SLC38A4: variants seen among roughly 807,000 people sequenced by gnomAD.
The protein encoded by SLC38A4 is sodium-coupled neutral amino acid transporter 4.
A neutral mutation model predicts 63.1 loss-of-function variants in SLC38A4; 20 were observed. The ratio of observed to expected loss-of-function variants is 0.32; its 90% CI spans 0.22 to 0.46. The LOEUF (loss-of-function observed/expected upper bound fraction) is 0.46, where lower values mean the gene tolerates loss of function less well. Among genes scored for constraint, SLC38A4 ranks in the 20% least tolerant of loss-of-function variants. The pLI, the probability that SLC38A4 is intolerant of heterozygous loss-of-function variation, is 1.00. For missense variants in SLC38A4, 526 were observed against 663.6 expected, an observed-to-expected ratio of 0.79 and a Z score of 2.28; for synonymous variants, 230 against 225.5, an observed-to-expected ratio of 1.02 and a Z score of -0.18.
intron 1 of SLC38A4, among the ~76,000 whole-genome samples, chr12:46,817,625 C>G (rs1939466763): frequency 1.3e-5 from 2 of 151,838 alleles, no homozygotes; most frequent in African/African-American, 2.4e-5. Context: ...CCCCAGGAGC[C>G]TCTTATGTCT....
At chr12:46,789,502 G>A (rs1018862296) in intron 3 of SLC38A4, among the ~76,000 whole-genome samples, 4 of 152,110 alleles carry the variant, frequency 2.6e-5, no homozygotes, top group Admixed American at 1.3e-4. Context: ...CTTGGTTATA[G>A]AGCTGTGCTG....
chr12:46,773,662 A>G (rs183496852), intron 14 of SLC38A4, among the ~76,000 whole-genome samples: 2 of 152,190 alleles, frequency 1.3e-5, no homozygotes, highest in East Asian at 3.9e-4. Context: ...TCATCAGTAA[A>G]TGACTTTTAC....
chr12:46,808,898 C>T (rs910704894), intron 1 of SLC38A4, among the ~76,000 whole-genome samples: 2 of 151,972 alleles, frequency 1.3e-5, no homozygotes, highest in Admixed American at 1.3e-4. Flanking sequence ...ACCTTGTTAA[C>T]GTAAGTTCTT....
chr12:46,783,226 A>ATGAT (rs1320938609), intron 7 of SLC38A4, among the ~76,000 whole-genome samples: 24 of 130,896 alleles, frequency 1.8e-4, no homozygotes, highest in African/African-American at 6.9e-4. Context: ...AAATTGATAG[A>ATGAT]TGATAGATAG....
rs140024216 is a variant in SLC38A4, at chr12:46,815,548, T to A, written c.-305+10355A>T. On this transcript the variant is annotated intron_variant, in intron 1 of 16. Transcript: ENST00000266579. ...CCTTAGAATATGGCCTGGGATAGAG[T>A]AAGAGCTAAATAAATATTAGTTGCT... 2.2e-4 allele frequency among the ~76,000 whole-genome samples: 33 copies of A among 151,754 alleles called. No individual in the cohort carries two copies. In the East Asian group the frequency reaches 6.2e-3, roughly 29 times the overall value.
At chr12:46,773,460 T>C (rs1938461395) in intron 14 of SLC38A4, among the ~76,000 whole-genome samples, 1 of 152,036 alleles carries the variant, frequency 6.6e-6, no homozygotes, top group Admixed American at 6.6e-5. Context: ...TGAGTGGAAA[T>C]ACATAATGAA....
At chr12:46,796,492 A>C (rs191948870) in intron 2 of SLC38A4, among the ~76,000 whole-genome samples, 2 of 152,226 alleles carry the variant, frequency 1.3e-5, no homozygotes, top group African/African-American at 2.4e-5. Context: ...TAGCTTGGAC[A>C]GCTGGTACTC....
At position 46,778,153 on chromosome 12, in the gene SLC38A4, A is replaced by C. The variant is rs1020345707; in HGVS notation, c.1073+136T>G. ...TGATTCCCACCTTTCTGATTAAAGC[A>C]TGTTACTGAGGAGTGGATGGAGTAC... is the stretch of plus-strand genomic sequence containing the variant. On this transcript the variant is annotated intron_variant, in intron 12 of 16. Coordinates refer to ENST00000266579, the MANE Select transcript of SLC38A4 (RefSeq NM_018018.5). 8.0e-6 allele frequency: 6 copies of C among 748,456 alleles called. No homozygotes were observed. The African/African-American group carries it at 1.1e-4, about 13-fold the overall frequency. The allele number at this position is 748,456 out of a possible 1,614,324, so 46.4% of individuals were successfully genotyped here.
intron 5 of SLC38A4, among the ~76,000 whole-genome samples, chr12:46,785,544 T>C (rs963956527): frequency 2.6e-5 from 4 of 151,990 alleles, no homozygotes; most frequent in African/African-American, 7.2e-5. Context: ...ACACTTAGAA[T>C]TGAAGGGCTA....
At position 46,768,303 on chromosome 12, in the gene SLC38A4, T is replaced by C. The variant is rs746112130; in HGVS notation, c.1542+7A>G. 1.9e-6 allele frequency: 3 copies of C among 1,597,136 alleles called. No individual in the cohort carries two copies. Among genetic ancestry groups the C allele is most frequent in the Non-Finnish European group, 2.6e-6 (3 of 1,167,618 alleles). ...TAATAATGGGGGAAATTGCAAGGTT[T>C]ACTTACCCCGACCTTTTGGGGTGAC... On this transcript the variant is annotated splice_region_variant and intron_variant, in intron 16 of 16. Coordinates refer to ENST00000266579, the MANE Select transcript of SLC38A4 (RefSeq NM_018018.5).
chr12:46,812,865 C>T (rs771447080), intron 1 of SLC38A4, among the ~76,000 whole-genome samples: 5 of 151,998 alleles, frequency 3.3e-5, no homozygotes, highest in Non-Finnish European at 7.4e-5. Context: ...AAAATTCTGA[C>T]ATGTCGATAT....
intron 7 of SLC38A4, among the ~76,000 whole-genome samples, chr12:46,780,833 C>T (rs1341411789): frequency 1.3e-5 from 2 of 151,816 alleles, no homozygotes; most frequent in Non-Finnish European, 2.9e-5. Flanking sequence ...TGCATCACGC[C>T]TTTTTCAAGC....
chr12:46,769,538 A>G, intron 14 of SLC38A4, 110 bp from the exon 15 acceptor site: 2 of 1,235,008 alleles, frequency 1.6e-6, no homozygotes, highest in Admixed American at 2.3e-5. Flanking sequence ...CTTTTTTCCC[A>G]GAAAAGATGT....
At position 46,765,450 on chromosome 12, in the gene SLC38A4, T is replaced by A. The variant is rs1459023248; in HGVS notation, c.*1251A>T. 2.7e-6 allele frequency: 1 copy of A among 373,412 alleles called. No homozygotes were observed. Among genetic ancestry groups the A allele is most frequent in the South Asian group, 1.9e-5 (1 of 52,248 alleles). 23.1% of individuals were successfully genotyped at this position (373,412 alleles called of 1,614,324 possible). On this transcript the variant is annotated 3_prime_UTR_variant, in exon 17 of 17. Transcript: ENST00000266579. ...ATATGCTAAATTAAAAGAACAACTT[T>A]AGTATGATAAAAATTTGCAAAAAGA...
At chr12:46,774,054 T>C (rs11183609) in intron 14 of SLC38A4, among the ~76,000 whole-genome samples, 18,886 of 152,098 alleles carry the variant, frequency 0.12, 1,283 homozygotes, top group Non-Finnish European at 0.14. Context: ...TATGTGTATG[T>C]CATCTGAAAT....
At chr12:46,825,719 A>G (rs998442926) in intron 1 of SLC38A4, among the ~76,000 whole-genome samples, 184 bp downstream of exon 1, 2 of 152,158 alleles carry the variant, frequency 1.3e-5, no homozygotes, top group Non-Finnish European at 2.9e-5. Flanking sequence ...AGCACTATCT[A>G]GCATGCACGA....
rs1938292210 is a variant in SLC38A4 at position 46,766,072 on chromosome 12, C to A, written c.*629G>T. On this transcript the variant is annotated 3_prime_UTR_variant, in exon 17 of 17. Coordinates refer to ENST00000266579, the MANE Select transcript of SLC38A4 (RefSeq NM_018018.5). ...TAGATGTTTTAACATTTACAAAAAT[C>A]TATTGAATATAGAAGTCACAACTCA... The A allele has an allele frequency of 5.7e-6, 1 of 174,176 alleles. No homozygotes were observed. Among genetic ancestry groups the A allele is most frequent in the Middle Eastern group, 2.7e-3 (1 of 372 alleles). 10.8% of individuals were successfully genotyped at this position (174,176 alleles called of 1,614,324 possible). A position where few individuals can be genotyped will look rare whatever the true frequency, so the allele number is the denominator to read the frequency against.
chr12:46,824,643 G>GA (rs1411337594), intron 1 of SLC38A4, among the ~76,000 whole-genome samples: 3 of 152,144 alleles, frequency 2.0e-5, no homozygotes, highest in Non-Finnish European at 4.4e-5. Flanking sequence ...AGTGTAAAAA[G>GA]AAAAAAACTC....
intron 14 of SLC38A4, among the ~76,000 whole-genome samples, chr12:46,774,415 C>T (rs1938482150): frequency 6.6e-6 from 1 of 152,054 alleles, no homozygotes; most frequent in African/African-American, 2.4e-5. Context: ...TCTTCACTAC[C>T]AGCTCTGCTC....
Sources: allele counts gnomAD v4.1 joint callset (sites outside exome capture counted in the v4.1 genomes callset), GRCh38; gene constraint gnomAD v4.1.1; transcripts MANE v1.5; gene names NCBI Gene and HGNC (gene_info 2026-07-23, HGNC 2026-07-21).